COL8A1: variants seen among roughly 807,000 people sequenced by gnomAD.
COL8A1 encodes the protein collagen type VIII alpha 1 chain, also known as collagen alpha-1(VIII) chain.
Under a neutral mutation model 42.7 loss-of-function variants are expected in COL8A1, and 21 were observed. The ratio of observed to expected loss-of-function variants is 0.49; its 90% CI spans 0.35 to 0.71. COL8A1 has a LOEUF of 0.71. Among genes scored for constraint, COL8A1 ranks in the 30% least tolerant of loss-of-function variants. The pLI, the probability that COL8A1 is intolerant of heterozygous loss-of-function variation, is 0.01. For synonymous variants in COL8A1, 367 were observed against 369.1 expected (o/e 0.99, Z 0.06); for missense variants, 788 against 962.4 (o/e 0.82, Z 2.40).
chr3:99,792,712 G>A (rs1942024488), intron 3 of COL8A1, among the ~76,000 whole-genome samples: 1 of 152,140 alleles, frequency 6.6e-6, no homozygotes, highest in East Asian at 1.9e-4. Flanking sequence ...CCTAAGTCAA[G>A]CTCTCGACTT....
intron 1 of COL8A1, among the ~76,000 whole-genome samples, chr3:99,662,975 TATC>T (rs1938254203): frequency 6.6e-6 from 1 of 152,122 alleles, no homozygotes; most frequent in African/African-American, 2.4e-5. Context: ...TTCTCAAAGA[TATC>T]ATGTTTTCAC....
intron 1 of COL8A1, among the ~76,000 whole-genome samples, chr3:99,722,959 T>C (rs1940198204): frequency 6.6e-6 from 1 of 151,696 alleles, no homozygotes; most frequent in African/African-American, 2.4e-5. Flanking sequence ...TTAAGGGATC[T>C]GTAGTGGGTT....
intron 2 of COL8A1, among the ~76,000 whole-genome samples, chr3:99,755,462 G>A (rs1480499940): frequency 4.6e-5 from 7 of 152,106 alleles, no homozygotes; most frequent in East Asian, 1.9e-4. Context: ...CAGTGAATGA[G>A]GGCAAAAATG....
At chr3:99,708,925 A>G (rs1939757204) in intron 1 of COL8A1, among the ~76,000 whole-genome samples, 1 of 151,836 alleles carries the variant, frequency 6.6e-6, no homozygotes, top group Non-Finnish European at 1.5e-5. Flanking sequence ...TGCTTTCCAA[A>G]TGCTCACCTG....
At chr3:99,667,927 A>G (rs1938416585) in intron 1 of COL8A1, among the ~76,000 whole-genome samples, 1 of 152,264 alleles carries the variant, frequency 6.6e-6, no homozygotes, top group African/African-American at 2.4e-5. Flanking sequence ...ACTGATAGAT[A>G]CACTGATTTC....
In COL8A1 at chr3:99,794,524, G is replaced by A. The variant is rs760992517; in HGVS notation, c.623G>A (p.Gly208Glu). ...PPGPHGLPGIGKPGGPGLPGQ... is the reference protein window; with the variant it reads ...PPGPHGLPGIEKPGGPGLPGQ... ...GGGCCTCATGGACTTCCTGGCATTG[G>A]GAAGCCAGGTGGGCCAGGGTTACCA... The change falls in exon 4 of 4, where the codon GGG becomes GAG. Residue 208 changes from glycine (G) to glutamate (E), a missense_variant. Physicochemically the swap from Gly to Glu is moderately conservative, Grantham distance 98 (BLOSUM62 -2). Coordinates refer to ENST00000652472, the MANE Select transcript of COL8A1 (RefSeq NM_020351.4). The surrounding 1 kb of genome is among the most constrained non-coding windows in gnomAD (Gnocchi z 4.3). 2.5e-6 allele frequency: 4 copies of A among 1,614,022 alleles called. No individual in the cohort carries two copies. Among genetic ancestry groups the A allele is most frequent in the Non-Finnish European group, 3.4e-6 (4 of 1,179,956 alleles).
intron 2 of COL8A1, among the ~76,000 whole-genome samples, chr3:99,764,105 C>T (rs531433167): frequency 2.0e-5 from 3 of 152,344 alleles, no homozygotes; most frequent in Admixed American, 6.5e-5. Context: ...CTATCACCCA[C>T]CAGAGGCCTG....
intron 1 of COL8A1, among the ~76,000 whole-genome samples, chr3:99,690,580 T>C (rs944367550): frequency 6.6e-6 from 1 of 152,222 alleles, no homozygotes; most frequent in African/African-American, 2.4e-5. Context: ...AAAAATATTA[T>C]TGGATGTGGA....
chr3:99,727,422 T>C (rs1170525575), intron 1 of COL8A1, among the ~76,000 whole-genome samples: 3 of 152,154 alleles, frequency 2.0e-5, no homozygotes, highest in African/African-American at 7.2e-5. Flanking sequence ...TCCTGCCTAA[T>C]TGCCCTGGCC....
At chr3:99,778,855 T>C (rs1270854140) in intron 2 of COL8A1, among the ~76,000 whole-genome samples, 1 of 152,134 alleles carries the variant, frequency 6.6e-6, no homozygotes, top group Non-Finnish European at 1.5e-5. Flanking sequence ...AATGGTGCCA[T>C]TTGACAAGCA....
intron 1 of COL8A1, among the ~76,000 whole-genome samples, chr3:99,711,443 G>A (rs1282983148): frequency 2.0e-5 from 3 of 151,938 alleles, no homozygotes; most frequent in Non-Finnish European, 4.4e-5. Context: ...ACCCATTCTC[G>A]CCTTTCTTTT....
At chr3:99,754,452 C>A (rs1226661510) in intron 2 of COL8A1, among the ~76,000 whole-genome samples, 1 of 150,840 alleles carries the variant, frequency 6.6e-6, no homozygotes, top group African/African-American at 2.4e-5. Flanking sequence ...TTCAAATTGT[C>A]TCTCATGTGT....
At chr3:99,727,318 G>A (rs1197569788) in intron 1 of COL8A1, among the ~76,000 whole-genome samples, 1 of 152,166 alleles carries the variant, frequency 6.6e-6, no homozygotes, top group Non-Finnish European at 1.5e-5. Flanking sequence ...TTTGGGCTGA[G>A]ACGATGGGCT....
At chr3:99,682,770 T>C (rs766351896) in intron 1 of COL8A1, among the ~76,000 whole-genome samples, 4 of 152,202 alleles carry the variant, frequency 2.6e-5, no homozygotes, top group African/African-American at 9.7e-5. Flanking sequence ...CTGTTGAGCA[T>C]GTACACTCTC....
chr3:99,785,190 C>T (rs745684736), intron 2 of COL8A1, among the ~76,000 whole-genome samples: 16 of 152,098 alleles, frequency 1.1e-4, no homozygotes, highest in South Asian at 6.2e-4. Flanking sequence ...TTAAATGTTC[C>T]CATCATTATT....
intron 2 of COL8A1, among the ~76,000 whole-genome samples, chr3:99,774,371 T>C (rs1941651112): frequency 6.6e-6 from 1 of 152,032 alleles, no homozygotes; most frequent in Non-Finnish European, 1.5e-5. Context: ...TGCACCTGTA[T>C]AAGGCCAGGT....
chr3:99,697,018 G>A (rs1323092470), intron 1 of COL8A1, among the ~76,000 whole-genome samples: 2 of 110,496 alleles, frequency 1.8e-5, no homozygotes, highest in African/African-American at 3.6e-5. Flanking sequence ...ACGGAGTCTC[G>A]CTCTGTCGCC....
At chr3:99,720,258 GGA>G (rs948946152) in intron 1 of COL8A1, among the ~76,000 whole-genome samples, 3 of 152,068 alleles carry the variant, frequency 2.0e-5, no homozygotes, top group Non-Finnish European at 4.4e-5. Context: ...GAGCAAAGAA[GGA>G]GAGTTAACTT....
At chr3:99,723,322 G>A (rs1940208932) in intron 1 of COL8A1, among the ~76,000 whole-genome samples, 1 of 152,022 alleles carries the variant, frequency 6.6e-6, no homozygotes, top group Admixed American at 6.6e-5. Flanking sequence ...TCGGCTCAGG[G>A]TGGTTGAGGT....
Sources: allele counts gnomAD v4.1 joint callset (sites outside exome capture counted in the v4.1 genomes callset), GRCh38; gene constraint gnomAD v4.1.1; non-coding constraint Gnocchi (gnomAD v3.1); transcripts MANE v1.5; gene names NCBI Gene and HGNC (gene_info 2026-07-23, HGNC 2026-07-21).